ZBTB20: variants seen among roughly 807,000 people sequenced by gnomAD.
The protein encoded by ZBTB20 is zinc finger and BTB domain-containing protein 20.
A neutral mutation model predicts 56.9 loss-of-function variants in ZBTB20; 9 were observed. The ratio of observed to expected loss-of-function variants is 0.16; its 90% CI spans 0.10 to 0.28. The LOEUF (loss-of-function observed/expected upper bound fraction) is 0.28, where lower values mean the gene tolerates loss of function less well. Among genes scored for constraint, ZBTB20 ranks in the 10% least tolerant of loss-of-function variants. The pLI, the probability that ZBTB20 is intolerant of heterozygous loss-of-function variation, is 1.00. For synonymous variants in ZBTB20, 417 were observed against 420.7 expected, an observed-to-expected ratio of 0.99 and a Z score of 0.11; for missense variants, 655 against 1,003.0, an observed-to-expected ratio of 0.65 and a Z score of 4.69.
chr3:115,066,436 T>A (rs948968670), intron 2 of ZBTB20, among the ~76,000 whole-genome samples: 8 of 152,138 alleles, frequency 5.3e-5, no homozygotes, highest in Non-Finnish European at 1.2e-4. Context: ...CCATTCCTCT[T>A]AGGTTCCTCA....
Position 114,318,133 on chromosome 3 carries a change from T to G in ZBTB20, c.*20872A>C, listed in dbSNP as rs1461639095. ...ATCACAGTTTTTAAAAATTATTTTT[T>G]CAATGTTGAAAAAATATGGAAAAGC... On this transcript the variant is annotated 3_prime_UTR_variant, in exon 12 of 12. Transcript: ENST00000675478. 1.3e-5 allele frequency: 2 copies of G among 152,234 alleles called. No homozygotes were observed. Among genetic ancestry groups the G allele is most frequent in the Non-Finnish European group, 2.9e-5 (2 of 68,048 alleles). 9.4% of individuals were successfully genotyped at this position (152,234 alleles called of 1,614,324 possible).
chr3:114,659,646 C>A (rs528479994), intron 6 of ZBTB20, among the ~76,000 whole-genome samples: 22 of 152,172 alleles, frequency 1.4e-4, no homozygotes, highest in Admixed American at 6.5e-5. Context: ...TGCCCTCTGG[C>A]TCCCTGCATG....
chr3:114,401,034 G>A (rs573687341), intron 7 of ZBTB20, among the ~76,000 whole-genome samples: 10 of 147,838 alleles, frequency 6.8e-5, no homozygotes, highest in Non-Finnish European at 8.9e-5. Context: ...GTAACTGAAC[G>A]TCTAATAATA....
chr3:114,885,443 C>T (rs1442684619), intron 4 of ZBTB20, among the ~76,000 whole-genome samples: 1 of 151,840 alleles, frequency 6.6e-6, no homozygotes, highest in African/African-American at 2.4e-5. Context: ...TAGTGTCTCT[C>T]TCTCGGTCTT....
intron 5 of ZBTB20, among the ~76,000 whole-genome samples, chr3:114,741,424 G>A (rs191761238): frequency 6.0e-4 from 91 of 152,216 alleles, no homozygotes; most frequent in African/African-American, 2.1e-3. Context: ...GTGATACAAG[G>A]AGACTTTTAG....
rs2061279393 is a variant in ZBTB20 at position 114,670,097 on chromosome 3, C to A, written c.-295+23431G>T. On this transcript the variant is annotated intron_variant, in intron 6 of 11. Coordinates refer to ENST00000675478, the MANE Select transcript of ZBTB20 (RefSeq NM_001348800.3). ...CCTGTCAAAGACAACACATATTTTT[C>A]TAATGAAAGAGGATGCCTGAAGTTG... 2.6e-5 allele frequency among the ~76,000 whole-genome samples: 4 copies of A among 151,922 alleles called. No individual in the cohort carries two copies. In the South Asian group the frequency reaches 6.2e-4, roughly 24 times the overall value.
intron 10 of ZBTB20, among the ~76,000 whole-genome samples, chr3:114,372,422 G>C (rs2083129542): frequency 6.6e-6 from 1 of 152,138 alleles, no homozygotes; most frequent in Non-Finnish European, 1.5e-5. Flanking sequence ...GACCTGGGAG[G>C]ATTTTATAAG....
intron 4 of ZBTB20, among the ~76,000 whole-genome samples, chr3:114,866,373 CT>C (rs1322007357): frequency 3.9e-5 from 6 of 152,146 alleles, no homozygotes. Flanking sequence ...ACACCTTACT[CT>C]TAGTCATTAA....
At chr3:115,144,429 T>C (rs1366389722) in intron 1 of ZBTB20, among the ~76,000 whole-genome samples, 2 of 152,200 alleles carry the variant, frequency 1.3e-5, no homozygotes, top group African/African-American at 4.8e-5. Flanking sequence ...TATTTTTTCC[T>C]TAGATTTTCT....
intron 7 of ZBTB20, among the ~76,000 whole-genome samples, chr3:114,417,549 T>C (rs1237247410): frequency 6.6e-6 from 1 of 152,120 alleles, no homozygotes; most frequent in African/African-American, 2.4e-5. Flanking sequence ...CTACAGAGGC[T>C]CAAAGGACGT....
rs142496196 is a variant in ZBTB20, at chr3:114,493,082, A to G, written c.-255+7270T>C. 1.2e-3 allele frequency among the ~76,000 whole-genome samples: 184 copies of G among 152,112 alleles called. 2 individuals are homozygous for G. The East Asian group carries it at 0.022, about 18-fold the overall frequency. On this transcript the variant is annotated intron_variant, in intron 7 of 11. Coordinates refer to ENST00000675478, the MANE Select transcript of ZBTB20 (RefSeq NM_001348800.3). ...CCACAAGTATGTTCTCAATCCTTAC[A>G]TATTTTTTTCATTTCAAGAGTGCTA...
chr3:115,111,167 G>T (rs1218588600), intron 1 of ZBTB20, among the ~76,000 whole-genome samples: 3 of 151,980 alleles, frequency 2.0e-5, no homozygotes, highest in Non-Finnish European at 4.4e-5. Flanking sequence ...CACTGAAAAT[G>T]TAATAACTGG....
intron 7 of ZBTB20, among the ~76,000 whole-genome samples, chr3:114,437,467 A>G (rs555949079): frequency 2.0e-3 from 309 of 152,200 alleles, no homozygotes; most frequent in Non-Finnish European, 3.5e-3. Context: ...GGAGGAAAAA[A>G]TGTGTGAAAG....
chr3:115,112,510 C>T (rs924418899), intron 1 of ZBTB20, among the ~76,000 whole-genome samples: 14 of 152,142 alleles, frequency 9.2e-5, no homozygotes, highest in African/African-American at 3.4e-4. Flanking sequence ...TTTCTGCCTC[C>T]ATGAGATCAA....
rs994628929 is a variant in ZBTB20 at position 114,530,144 on chromosome 3, G to C, written c.-294-29753C>G. Among the ~76,000 whole-genome samples, 4 of 152,158 alleles carry C rather than the reference G, an allele frequency of 2.6e-5. No homozygotes were observed. In the East Asian group the frequency reaches 7.7e-4, roughly 29 times the overall value. On this transcript the variant is annotated intron_variant, in intron 6 of 11. Transcript: ENST00000675478. ...ATGTACAGTGCTTATAAAGTCTACA[G>C]GAGTATACAGTAATGTCCTAGGTGT...
At chr3:115,034,681 T>C (rs1411606700) in intron 2 of ZBTB20, among the ~76,000 whole-genome samples, 2 of 151,906 alleles carry the variant, frequency 1.3e-5, no homozygotes, top group East Asian at 1.9e-4. Context: ...GTATTCCCTA[T>C]AAAAATCCAA....
intron 2 of ZBTB20, among the ~76,000 whole-genome samples, chr3:115,040,293 A>G (rs2081088036): frequency 1.3e-5 from 2 of 152,152 alleles, no homozygotes; most frequent in South Asian, 4.1e-4. Flanking sequence ...GCCTATGCTT[A>G]TAATATGTCA....
chr3:114,605,717 G>A (rs775570956), intron 6 of ZBTB20, among the ~76,000 whole-genome samples: 9 of 152,088 alleles, frequency 5.9e-5, no homozygotes. Flanking sequence ...TTAATGAGGA[G>A]GCTCAATAAC....
At chr3:114,854,288 C>A (rs1321734403) in intron 4 of ZBTB20, among the ~76,000 whole-genome samples, 2 of 152,000 alleles carry the variant, frequency 1.3e-5, no homozygotes, top group South Asian at 2.1e-4. Context: ...AAAAGATAAT[C>A]CAAATAAAAT....
Sources: gnomAD v4.1 joint callset for allele counts (sites outside exome capture counted in the v4.1 genomes callset) on GRCh38, gnomAD v4.1.1 for gene constraint, MANE v1.5 for transcripts, NCBI Gene and HGNC (gene_info 2026-07-23, HGNC 2026-07-21) for gene names.